The following TUSC3 variants were observed in gnomAD, a reference collection of about 807,000 sequenced individuals.
TUSC3 encodes tumor suppressor candidate 3.
A neutral mutation model predicts 44.8 loss-of-function variants in TUSC3; 45 were observed. The observed-to-expected ratio is 1.00, with a 90% CI of 0.79 to 1.29. The LOEUF (loss-of-function observed/expected upper bound fraction) is 1.29, where lower values mean the gene tolerates loss of function less well. TUSC3 is among the 50% of genes most tolerant of loss of function. The probability of loss-of-function intolerance (pLI) is 0.00; values close to 1 mark genes in which losing one functional copy is unlikely to be tolerated. For missense variants in TUSC3, 519 were observed against 437.9 expected, an observed-to-expected ratio of 1.19 and a Z score of -1.65; for synonymous variants, 212 against 152.9, an observed-to-expected ratio of 1.39 and a Z score of -2.85.
the TUSC3 span, among the ~76,000 whole-genome samples, chr8:15,851,575 C>T: frequency 1.3e-5 from 2 of 152,170 alleles, no homozygotes; most frequent in African/African-American, 4.8e-5. Context: ...AGACATGGGA[C>T]ACGTGAGCGT....
chr8:15,488,224 G>C (rs1019023387), intron 2 of TUSC3, among the ~76,000 whole-genome samples: 1 of 151,692 alleles, frequency 6.6e-6, no homozygotes, highest in Non-Finnish European at 1.5e-5. Flanking sequence ...TGTTTTTGTT[G>C]GCTGTGTGTG....
intron 2 of TUSC3, among the ~76,000 whole-genome samples, chr8:15,510,622 C>T (rs1801119929): frequency 6.6e-6 from 1 of 152,008 alleles, no homozygotes; most frequent in Non-Finnish European, 1.5e-5. Context: ...AAACTCCAGG[C>T]CCAGATGGCT....
Position 15,675,525 on chromosome 8 carries a change from A to G in TUSC3, c.798+1689A>G, listed in dbSNP as rs117208986. 9.5e-4 allele frequency among the ~76,000 whole-genome samples: 144 copies of G among 151,984 alleles called. 1 individual carries two copies. In the East Asian group the frequency reaches 0.026, roughly 27 times the overall value. On this transcript the variant is annotated intron_variant, in intron 6 of 10. Transcript: ENST00000503731. ...TACATTGGTACATTGCATAATACTA[A>G]GGATTGGGGTATGAATGATCTTGTC...
downstream of TUSC3, among the ~76,000 whole-genome samples, chr8:15,768,010 C>G (rs1425381392): frequency 6.6e-6 from 1 of 152,170 alleles, no homozygotes; most frequent in Non-Finnish European, 1.5e-5. Context: ...AGATTCTAAG[C>G]TTTCACATCT....
chr8:15,525,979 G>C (rs545552339), intron 2 of TUSC3, among the ~76,000 whole-genome samples: 141 of 152,178 alleles, frequency 9.3e-4, no homozygotes, highest in African/African-American at 3.3e-3. Flanking sequence ...GAGACAGTGA[G>C]GGTTTTCAAG....
At chr8:15,634,209 T>C (rs1030074067) in intron 2 of TUSC3, among the ~76,000 whole-genome samples, 1 of 152,304 alleles carries the variant, frequency 6.6e-6, no homozygotes, top group East Asian at 1.9e-4. Flanking sequence ...CTTACAATTA[T>C]TGAGGTCTTC....
chr8:15,719,483 G>A (rs1810206408), intron 6 of TUSC3, among the ~76,000 whole-genome samples: 1 of 144,520 alleles, frequency 6.9e-6, no homozygotes, highest in South Asian at 2.2e-4. Context: ...TGCACTTATA[G>A]TATACAGTTC....
the TUSC3 span, among the ~76,000 whole-genome samples, chr8:15,782,806 T>C: frequency 6.6e-6 from 1 of 152,156 alleles, no homozygotes; most frequent in Non-Finnish European, 1.5e-5. Flanking sequence ...CAAAGCTTTT[T>C]CTCTAAGAAA....
chr8:15,541,193 A>C (rs1801679594), intron 1 of TUSC3, among the ~76,000 whole-genome samples: 1 of 152,200 alleles, frequency 6.6e-6, no homozygotes, highest in African/African-American at 2.4e-5. Flanking sequence ...CATTTATTTT[A>C]TGTGGATTTA....
chr8:15,473,124 A>G (rs1380680444), intron 1 of TUSC3, among the ~76,000 whole-genome samples: 1 of 152,184 alleles, frequency 6.6e-6, no homozygotes, highest in African/African-American at 2.4e-5. Flanking sequence ...AATAAGTGCT[A>G]ATATAGTATG....
Position 15,647,250 on chromosome 8 carries a change from A to C in TUSC3, c.309-3447A>C, listed in dbSNP as rs570139994. Among the ~76,000 whole-genome samples the C allele has an allele frequency of 3.2e-3, 490 of 152,264 alleles. 2 individuals carry two copies. The highest frequency in any genetic ancestry group is 0.011 in the African/African-American group (473 of 41,572). ...GGCAAAGTAGTAGGTTATCATTATG[A>C]TTCCTTTTCTACAGTGCCATTGTTG... On this transcript the variant is annotated intron_variant, in intron 2 of 10. Transcript: ENST00000503731.
intron 1 of TUSC3, among the ~76,000 whole-genome samples, chr8:15,613,434 G>T (rs970343098): frequency 3.3e-5 from 5 of 152,174 alleles, no homozygotes; most frequent in African/African-American, 1.2e-4. Context: ...TTTGTAAGAT[G>T]CAGTGCTAAG....
chr8:15,752,217 G>C (rs901771950), intron 9 of TUSC3, among the ~76,000 whole-genome samples: 4 of 152,050 alleles, frequency 2.6e-5, no homozygotes, highest in Non-Finnish European at 5.9e-5. Flanking sequence ...AGACAAAGGA[G>C]AGAGGAGGGG....
rs1807083978 is a variant in TUSC3 at position 15,654,853 on chromosome 8, GT to G, written c.426+4040del. On this transcript the variant is annotated intron_variant, in intron 3 of 10. Coordinates refer to ENST00000503731, the MANE Select transcript of TUSC3 (RefSeq NM_006765.4). ...ATTAAATGGAGATAGAGTTCAGAAG[GT>G]ATTATGATATCCTGGTAATGAAGTG... Among the ~76,000 whole-genome samples, 3 of 152,030 alleles carry G rather than the reference GT, an allele frequency of 2.0e-5. No individual in the cohort carries two copies. In the South Asian group the frequency reaches 6.2e-4, roughly 32 times the overall value.
chr8:15,536,681 C>CAAAAAAAAAAAAAGAAAAAAAAAA (rs1801526599), upstream of TUSC3, among the ~76,000 whole-genome samples: 1 of 45,572 alleles, frequency 2.2e-5, no homozygotes. Context: ...GATTCCGTCT[C>CAAAAAAAAAAAAAGAAAAAAAAAA]AAAAAAAAAA....
intron 2 of TUSC3, among the ~76,000 whole-genome samples, chr8:15,635,398 C>G (rs1806020891): frequency 6.6e-6 from 1 of 152,074 alleles, no homozygotes; most frequent in African/African-American, 2.4e-5. Context: ...ATGCTGGATG[C>G]TAGCAGATGT....
intron 1 of TUSC3, among the ~76,000 whole-genome samples, chr8:15,442,009 T>C (rs1800027057): frequency 1.3e-5 from 2 of 152,208 alleles, no homozygotes; most frequent in Admixed American, 6.5e-5. Flanking sequence ...GTTCTTATCA[T>C]ATAGGGACTC....
At chr8:15,736,846 G>A (rs1810958682) in intron 7 of TUSC3, among the ~76,000 whole-genome samples, 2 of 152,092 alleles carry the variant, frequency 1.3e-5, no homozygotes, top group Non-Finnish European at 2.9e-5. Context: ...AATTCACCAA[G>A]ATATGGTCTC....
chr8:15,806,791 C>T, the TUSC3 span: 15 of 819,252 alleles, frequency 1.8e-5, no homozygotes, highest in African/African-American at 6.8e-5. Context: ...CTTTTTCTAG[C>T]GGATTTGCAA....
Sources: gnomAD v4.1 joint callset for allele counts (sites outside exome capture counted in the v4.1 genomes callset) on GRCh38, gnomAD v4.1.1 for gene constraint, MANE v1.5 for transcripts, NCBI Gene and HGNC (gene_info 2026-07-23, HGNC 2026-07-21) for gene names.